The following TADA2A variants were observed in gnomAD, a reference collection of about 807,000 sequenced individuals.
The protein encoded by TADA2A is transcriptional adapter 2-alpha.
A neutral mutation model predicts 67.4 loss-of-function variants in TADA2A; 38 were observed. That is an observed-to-expected ratio of 0.56 (90% CI 0.44 to 0.74). The LOEUF (loss-of-function observed/expected upper bound fraction) is 0.74. Among genes scored for constraint, TADA2A ranks in the 30% least tolerant of loss-of-function variants. The probability of loss-of-function intolerance (pLI) is 0.00; values close to 1 mark genes in which losing one functional copy is unlikely to be tolerated. For missense variants in TADA2A, 454 were observed against 547.0 expected (o/e 0.83, Z 1.70); for synonymous variants, 192 against 181.6 (o/e 1.06, Z -0.46).
chr17:37,458,896 T>C (rs2053474632), intron 9 of TADA2A, among the ~76,000 whole-genome samples: 1 of 152,148 alleles, frequency 6.6e-6, no homozygotes, highest in Non-Finnish European at 1.5e-5. Context: ...CAGGCTGGTC[T>C]CAAACTCCTG....
rs540657934 is a variant in TADA2A at position 37,426,338 on chromosome 17, C to T, written c.133-612C>T. The T allele has an allele frequency of 3.3e-5, 5 of 152,002 alleles. No homozygotes were observed. The East Asian group carries it at 9.7e-4, about 29-fold the overall frequency. 9.4% of individuals were successfully genotyped at this position (152,002 alleles called of 1,614,324 possible). A position where few individuals can be genotyped will look rare whatever the true frequency, so the allele number is the denominator to read the frequency against. On this transcript the variant is annotated intron_variant, in intron 3 of 15. Coordinates refer to ENST00000615182, the MANE Select transcript of TADA2A (RefSeq NM_001166105.3). ...TGAAAAGCTGTGATCATGATTCCAC[C>T]ATTCTATTGCAGCTGCAGACAAGAT...
rs942691661 is a variant in TADA2A, at chr17:37,472,499, T to G, written c.1072+1362T>G. ...GAAATCAAAGTTTTATTTTGTAAGT[T>G]TCTTACTGCCAACACTCTACCCCCA... On this transcript the variant is annotated intron_variant, in intron 14 of 15. Transcript: ENST00000615182. 3.3e-5 allele frequency among the ~76,000 whole-genome samples: 5 copies of G among 152,076 alleles called. No homozygotes were observed. The East Asian group carries it at 9.6e-4, about 29-fold the overall frequency.
intron 8 of TADA2A, among the ~76,000 whole-genome samples, chr17:37,457,520 C>T (rs1182034622): frequency 1.8e-5 from 2 of 109,104 alleles, no homozygotes; most frequent in Admixed American, 1.3e-4. Flanking sequence ...TTTTTTGAGA[C>T]GAGTCTCGCT....
intron 12 of TADA2A, 102 bp downstream of exon 12, chr17:37,467,627 T>C (rs2053694387): frequency 2.9e-6 from 3 of 1,020,234 alleles, no homozygotes; most frequent in Non-Finnish European, 4.4e-6. Flanking sequence ...AAAAACAAGC[T>C]TTCCTTTACC....
chr17:37,469,123 T>G (rs1057389453), intron 12 of TADA2A, among the ~76,000 whole-genome samples: 1 of 150,692 alleles, frequency 6.6e-6, no homozygotes, highest in African/African-American at 2.4e-5. Flanking sequence ...GTCAGGCTGA[T>G]CTCGAACTCC....
intron 5 of TADA2A, among the ~76,000 whole-genome samples, chr17:37,440,087 G>A (rs182595433): frequency 6.6e-5 from 10 of 151,744 alleles, no homozygotes; most frequent in Admixed American, 5.3e-4. Flanking sequence ...GGGATTACAG[G>A]CATGCATGCA....
intron 8 of TADA2A, among the ~76,000 whole-genome samples, chr17:37,453,579 A>T (rs2053290039): frequency 6.6e-6 from 1 of 152,060 alleles, no homozygotes. Flanking sequence ...ACAGTTTAAA[A>T]CTTACTGTAG....
chr17:37,467,804 G>A (rs970205739), intron 12 of TADA2A, among the ~76,000 whole-genome samples: 3 of 152,092 alleles, frequency 2.0e-5, no homozygotes, highest in Admixed American at 6.6e-5. Flanking sequence ...ATCTTGGGCC[G>A]GGTGCAGTGG....
chr17:37,427,524 A>C (rs1203638641), intron 4 of TADA2A, among the ~76,000 whole-genome samples: 1 of 152,216 alleles, frequency 6.6e-6, no homozygotes, highest in East Asian at 1.9e-4. Context: ...ACTGGTTTAT[A>C]AGCTTGAATA....
intron 12 of TADA2A, 101 bp from the exon 13 acceptor site, chr17:37,470,299 G>T: frequency 7.0e-7 from 1 of 1,437,812 alleles, no homozygotes; most frequent in Non-Finnish European, 9.4e-7. Flanking sequence ...AAAGGAAACA[G>T]ACTTTAAGAA....
chr17:37,471,256 A>C, intron 14 of TADA2A, 119 bp downstream of exon 14: 1 of 989,486 alleles, frequency 1.0e-6, no homozygotes, highest in Non-Finnish European at 1.6e-6. Context: ...AGTAACAGTA[A>C]TCAAGTGTTA....
chr17:37,423,536 G>A lies in TADA2A; in HGVS notation c.53G>A (p.Arg18Gln), dbSNP rs200118946. The A allele has an allele frequency of 1.8e-5, 29 of 1,612,540 alleles. No homozygotes were observed. The highest frequency in any genetic ancestry group is 1.7e-4 in the African/African-American group (13 of 74,914). The change falls in exon 3 of 16, where the codon CGA becomes CAA. Residue 18 changes from arginine to glutamine, a missense_variant. By Grantham distance (43) the Arg-to-Gln change is conservative. Coordinates refer to ENST00000615182, the MANE Select transcript of TADA2A (RefSeq NM_001166105.3). ...GATCCCTCTGATAAGCCACCTTGCC[G>A]AGGCTGCTCCTCCTACCTCATGGAG... Reference protein sequence around the residue: ...SNDPSDKPPCRGCSSYLMEPY... With the variant: ...SNDPSDKPPCQGCSSYLMEPY...
chr17:37,417,315 G>A (rs898512017), intron 2 of TADA2A, among the ~76,000 whole-genome samples: 1 of 150,928 alleles, frequency 6.6e-6, no homozygotes, highest in Non-Finnish European at 1.5e-5. Context: ...GGCAGAGGTT[G>A]CAGTGAGCTG....
chr17:37,411,500 G>A (rs1436793957), intron 2 of TADA2A, 110 bp downstream of exon 2: 155 of 1,026,328 alleles, frequency 1.5e-4, no homozygotes, highest in Non-Finnish European at 1.4e-5. Context: ...TTGGCTCACT[G>A]CAACTTCTGC....
chr17:37,442,497 C>A, intron 6 of TADA2A, 67 bp from the exon 7 acceptor site: 2 of 1,170,948 alleles, frequency 1.7e-6, no homozygotes, highest in South Asian at 1.4e-5. Flanking sequence ...TATTCTTGGA[C>A]TATTATGTCA....
chr17:37,458,386 C>G (rs1251617126), intron 8 of TADA2A, 138 bp from the exon 9 acceptor site: 4 of 396,322 alleles, frequency 1.0e-5, no homozygotes, highest in African/African-American at 8.5e-5. Context: ...TTTATGTTTT[C>G]TAGACTAGTG....
chr17:37,465,392 C>T, intron 10 of TADA2A, 39 bp from the exon 11 acceptor site: 1 of 1,474,372 alleles, frequency 6.8e-7, no homozygotes, highest in Non-Finnish European at 9.2e-7. Flanking sequence ...GGGATCCTTA[C>T]ATTTCCCATG....
At chr17:37,474,491 A>G (rs1447868361) in intron 14 of TADA2A, 65 bp from the exon 15 acceptor site, 42 of 1,533,722 alleles carry the variant, frequency 2.7e-5, no homozygotes, top group Non-Finnish European at 3.6e-5. Context: ...GAACTTTTTA[A>G]TACTTTACAC....
At chr17:37,438,756 C>T (rs1262928749) in intron 5 of TADA2A, among the ~76,000 whole-genome samples, 1 of 152,178 alleles carries the variant, frequency 6.6e-6, no homozygotes, top group Non-Finnish European at 1.5e-5. Flanking sequence ...GAGGAGTTTG[C>T]TAGTCATCTT....
Sources: allele counts gnomAD v4.1 joint callset (sites outside exome capture counted in the v4.1 genomes callset), GRCh38; gene constraint gnomAD v4.1.1; transcripts MANE v1.5; gene names NCBI Gene and HGNC (gene_info 2026-07-23, HGNC 2026-07-21).